Variants in IL1RAPL1 observed in about 807,000 individuals in gnomAD.
The protein encoded by IL1RAPL1 is interleukin 1 receptor accessory protein like 1.
In IL1RAPL1, 3 loss-of-function variants were observed where a neutral mutation model predicts 48.4. That is an observed-to-expected ratio of 0.06 (90% confidence interval 0.03 to 0.16). IL1RAPL1 has a LOEUF of 0.16. IL1RAPL1 is among the 10% of genes least tolerant of loss of function. The pLI, the probability that IL1RAPL1 is intolerant of heterozygous loss-of-function variation, is 1.00. For synonymous variants in IL1RAPL1, 185 were observed against 187.7 expected, an observed-to-expected ratio of 0.99 and a Z score of 0.12; for missense variants, 349 against 530.6, an observed-to-expected ratio of 0.66 and a Z score of 3.36.
At chrX:29,737,537 TTAGATAA>T (rs1329103539) in intron 6 of IL1RAPL1, among the ~76,000 whole-genome samples, 1 of 111,826 alleles carries the variant, frequency 8.9e-6, no homozygotes, top group African/African-American at 3.2e-5. Flanking sequence ...CCATGACATA[TTAGATAA>T]AGAAAAGAAA....
chrX:28,658,110 C>A (rs769376687), intron 1 of IL1RAPL1, among the ~76,000 whole-genome samples: 9 of 112,492 alleles, frequency 8.0e-5, no homozygotes, highest in African/African-American at 9.7e-5. Flanking sequence ...TTTCATATGT[C>A]CAGCACTGAG....
In IL1RAPL1 at chrX:28,922,592, T is replaced by A. The variant is rs770755863; in HGVS notation, c.82+133167T>A. ...ATCTTTTTATACTTCTTTGACATTT[T>A]AAAAAATAAGTAGTTTGGCTAGAAA... On this transcript the variant is annotated intron_variant, in intron 2 of 10. Coordinates refer to ENST00000378993, the MANE Select transcript of IL1RAPL1 (RefSeq NM_014271.4). Among the ~76,000 whole-genome samples, 10 of 112,196 alleles carry A rather than the reference T, an allele frequency of 8.9e-5. No homozygotes were observed. In the South Asian group the frequency reaches 1.8e-3, roughly 21 times the overall value.
intron 2 of IL1RAPL1, among the ~76,000 whole-genome samples, chrX:29,073,233 A>T (rs776148614): frequency 1.8e-5 from 2 of 112,162 alleles, no homozygotes; most frequent in Non-Finnish European, 3.8e-5. Context: ...TCAGTAGATA[A>T]TAGAAATTAT....
intron 5 of IL1RAPL1, among the ~76,000 whole-genome samples, chrX:29,660,651 G>A (rs776487565): frequency 9.0e-6 from 1 of 111,420 alleles, no homozygotes; most frequent in Non-Finnish European, 1.9e-5. Flanking sequence ...TAAGTGCATG[G>A]GTTTGCTTCT....
At position 28,667,356 on chromosome X, in the gene IL1RAPL1, C is replaced by T. The variant is rs147993769; in HGVS notation, c.-25+79309C>T. 1.3e-3 allele frequency among the ~76,000 whole-genome samples: 151 copies of T among 111,956 alleles called. 2 individuals carry two copies. The highest frequency in any genetic ancestry group is 4.5e-3 in the African/African-American group (140 of 30,835). Reference sequence around the variant, plus strand: ...TTTCATGTTTCATGGTTTTGTACTGCAGCTCTAAAGTAAAACAAAACTTAT... The same window carrying T: ...TTTCATGTTTCATGGTTTTGTACTGTAGCTCTAAAGTAAAACAAAACTTAT... On this transcript the variant is annotated intron_variant, in intron 1 of 10. Transcript: ENST00000378993.
intron 2 of IL1RAPL1, among the ~76,000 whole-genome samples, chrX:28,911,413 G>A (rs1923355860): frequency 9.0e-6 from 1 of 110,959 alleles, no homozygotes; most frequent in Admixed American, 9.6e-5. Flanking sequence ...TTGACATGAA[G>A]CAAGGAGGGG....
At chrX:29,419,250 A>G (rs1267451295) in intron 5 of IL1RAPL1, among the ~76,000 whole-genome samples, 1 of 111,964 alleles carries the variant, frequency 8.9e-6, no homozygotes, top group Non-Finnish European at 1.9e-5. Flanking sequence ...AATTAATTAC[A>G]TATACGTAAT....
intron 6 of IL1RAPL1, among the ~76,000 whole-genome samples, chrX:29,815,927 G>T (rs993341046): frequency 8.1e-5 from 9 of 111,180 alleles, no homozygotes; most frequent in Non-Finnish European, 1.7e-4. Context: ...AACCAAGCTT[G>T]CATTCCAGAA....
At chrX:29,099,528 G>A (rs985405831) in intron 2 of IL1RAPL1, among the ~76,000 whole-genome samples, 2 of 111,866 alleles carry the variant, frequency 1.8e-5, no homozygotes, top group African/African-American at 3.2e-5. Context: ...GAATCTGAAG[G>A]CAAGTTTCAT....
intron 6 of IL1RAPL1, among the ~76,000 whole-genome samples, chrX:29,683,846 A>G (rs1449085893): frequency 8.9e-6 from 1 of 112,450 alleles, no homozygotes; most frequent in East Asian, 2.8e-4. Flanking sequence ...TGTATTATCC[A>G]GTTCAGGTTG....
In IL1RAPL1 at chrX:29,361,309, A is replaced by T. The variant is rs1933372401; in HGVS notation, c.363-34949A>T. On this transcript the variant is annotated intron_variant, in intron 3 of 10. Coordinates refer to ENST00000378993, the MANE Select transcript of IL1RAPL1 (RefSeq NM_014271.4). ...GGAAGAAATGTGTAAGTATTAATTG[A>T]AGCCTCTGCTTTATGACTTCGCATT... 2.7e-5 allele frequency among the ~76,000 whole-genome samples: 3 copies of T among 111,890 alleles called. No homozygotes were observed. In the Admixed American group the frequency reaches 2.9e-4, roughly 11 times the overall value.
chrX:28,781,424 A>G (rs1291401518), intron 1 of IL1RAPL1, among the ~76,000 whole-genome samples: 1 of 109,618 alleles, frequency 9.1e-6, no homozygotes, highest in Non-Finnish European at 1.9e-5. Context: ...GTTGAAAGCC[A>G]AAAGGAAATA....
chrX:28,725,566 G>T (rs1399433394), intron 1 of IL1RAPL1, among the ~76,000 whole-genome samples: 2 of 111,995 alleles, frequency 1.8e-5, no homozygotes, highest in East Asian at 5.6e-4. Flanking sequence ...TAGCACATCT[G>T]TGTTTTCACC....
chrX:29,409,065 A>C (rs1440709794), intron 5 of IL1RAPL1, among the ~76,000 whole-genome samples: 1 of 111,868 alleles, frequency 8.9e-6, no homozygotes, highest in Non-Finnish European at 1.9e-5. Context: ...ATTTCTTTCA[A>C]AAAATTGCGT....
chrX:28,659,037 A>G (rs907626347), intron 1 of IL1RAPL1: 9 of 575,247 alleles, frequency 1.6e-5, no homozygotes, highest in African/African-American at 2.3e-5. Flanking sequence ...ATTGAGAATG[A>G]AATGTTTCCC....
intron 2 of IL1RAPL1, among the ~76,000 whole-genome samples, chrX:29,129,043 T>C (rs1202619574): frequency 1.0e-5 from 1 of 97,960 alleles, no homozygotes; most frequent in East Asian, 3.1e-4. Context: ...TAGAATCTTT[T>C]TTTTTTTTTT....
At chrX:29,211,202 A>G (rs1602114025) in intron 2 of IL1RAPL1, among the ~76,000 whole-genome samples, 1 of 111,215 alleles carries the variant, frequency 9.0e-6, no homozygotes, top group Admixed American at 9.6e-5. Flanking sequence ...TTTAGTAACC[A>G]TTGTGGGATA....
chrX:28,665,199 A>G (rs1257100480), intron 1 of IL1RAPL1, among the ~76,000 whole-genome samples: 1 of 111,196 alleles, frequency 9.0e-6, no homozygotes, highest in Non-Finnish European at 1.9e-5. Flanking sequence ...TTGCAAGGCA[A>G]TGCAGTCAAC....
intron 1 of IL1RAPL1, among the ~76,000 whole-genome samples, chrX:28,635,040 G>A (rs1253667109): frequency 1.8e-5 from 2 of 111,516 alleles, no homozygotes; most frequent in African/African-American, 6.5e-5. Flanking sequence ...AGGAAGACAT[G>A]TTTATTGTTT....
Sources: gnomAD v4.1 joint callset for allele counts (sites outside exome capture counted in the v4.1 genomes callset) on GRCh38, gnomAD v4.1.1 for gene constraint, MANE v1.5 for transcripts, NCBI Gene and HGNC (gene_info 2026-07-23, HGNC 2026-07-21) for gene names.